Variants in DIS3L2 observed in about 807,000 individuals in gnomAD.
DIS3L2 encodes the protein DIS3-like exonuclease 2.
A neutral mutation model predicts 97.5 loss-of-function variants in DIS3L2; 34 were observed. The ratio of observed to expected loss-of-function variants is 0.35; its 90% CI spans 0.27 to 0.46. The LOEUF is 0.46. Among genes scored for constraint, DIS3L2 ranks in the 20% least tolerant of loss-of-function variants. The probability of loss-of-function intolerance (pLI) is 1.00; values close to 1 mark genes in which losing one functional copy is unlikely to be tolerated. For missense variants in DIS3L2, 1,038 were observed against 1,146.0 expected (o/e 0.91, Z 1.36); for synonymous variants, 435 against 445.2 (o/e 0.98, Z 0.29).
At chr2:232,186,170 C>G (rs1205184889) in intron 9 of DIS3L2, among the ~76,000 whole-genome samples, 1 of 152,000 alleles carries the variant, frequency 6.6e-6, no homozygotes, top group East Asian at 1.9e-4. Flanking sequence ...AACTGATAAG[C>G]CTTTAGCGAG....
intron 12 of DIS3L2, among the ~76,000 whole-genome samples, chr2:232,260,893 A>G (rs1185848581): frequency 1.3e-5 from 2 of 152,118 alleles, no homozygotes; most frequent in Non-Finnish European, 2.9e-5. Flanking sequence ...ATACTCTTCA[A>G]CTGGCTTTTT....
In DIS3L2 at chr2:232,039,637, C is replaced by T. The variant is rs1479207866; in HGVS notation, c.366+9557C>T. ...ATAACTCTTCGAAGTTCAGATTCTT[C>T]CACATTTTTACTGTCTCCTTATACT... On this transcript the variant is annotated intron_variant, in intron 5 of 20. Transcript: ENST00000325385. Among the ~76,000 whole-genome samples, 3 of 152,100 alleles carry T rather than the reference C, an allele frequency of 2.0e-5. No homozygotes were observed. In the East Asian group the frequency reaches 5.8e-4, roughly 29 times the overall value.
At chr2:232,283,057 G>A (rs970375959) in intron 13 of DIS3L2, among the ~76,000 whole-genome samples, 3 of 152,112 alleles carry the variant, frequency 2.0e-5, no homozygotes, top group Non-Finnish European at 4.4e-5. Context: ...TTTCTATAAA[G>A]AAGCACAGAG....
intron 10 of DIS3L2, among the ~76,000 whole-genome samples, chr2:232,236,330 A>G (rs998699301): frequency 3.3e-5 from 5 of 152,206 alleles, no homozygotes; most frequent in Admixed American, 3.3e-4. Flanking sequence ...CCAAAAGAGC[A>G]GATGGTACTG....
chr2:232,049,781 T>C (rs1485585587), intron 5 of DIS3L2, among the ~76,000 whole-genome samples: 1 of 152,238 alleles, frequency 6.6e-6, no homozygotes, highest in African/African-American at 2.4e-5. Context: ...ATCTTCAGTA[T>C]TGGTTGTTTC....
At chr2:232,149,216 T>C (rs34675655) in intron 8 of DIS3L2, among the ~76,000 whole-genome samples, 117,410 of 147,398 alleles carry the variant, frequency 0.8, 47,347 homozygotes, top group African/African-American at 0.9. Flanking sequence ...TTTTATTATA[T>C]TCTAAGTTTT....
chr2:232,168,280 G>A (rs760648430), intron 9 of DIS3L2, among the ~76,000 whole-genome samples: 2 of 152,074 alleles, frequency 1.3e-5, no homozygotes, highest in Non-Finnish European at 2.9e-5. Flanking sequence ...TTACCTTGAA[G>A]GGACAGATTA....
At chr2:232,225,193 A>G (rs545594839) in intron 10 of DIS3L2, among the ~76,000 whole-genome samples, 21 of 152,326 alleles carry the variant, frequency 1.4e-4, no homozygotes, top group Middle Eastern at 3.4e-3. Context: ...ACAATATGTA[A>G]TAAAGCTGGG....
At chr2:232,340,803 GC>G, downstream of DIS3L2, 1 of 471,474 alleles carries the variant, frequency 2.1e-6, no homozygotes, top group Non-Finnish European at 4.4e-6. Context: ...CAGTCTGCAA[GC>G]CCCTTGGTGT....
intron 9 of DIS3L2, among the ~76,000 whole-genome samples, chr2:232,189,156 A>G (rs937181882): frequency 1.3e-5 from 2 of 152,068 alleles, no homozygotes; most frequent in African/African-American, 4.8e-5. Context: ...AAATGGCACA[A>G]CCACTCTGGA....
chr2:232,021,089 T>C (rs1429552813), intron 3 of DIS3L2, among the ~76,000 whole-genome samples: 1 of 152,166 alleles, frequency 6.6e-6, no homozygotes, highest in Non-Finnish European at 1.5e-5. Flanking sequence ...GTTAGACTGA[T>C]TTAGCCCAGT....
At chr2:232,183,779 T>G (rs1046615884) in intron 9 of DIS3L2, among the ~76,000 whole-genome samples, 19 of 152,244 alleles carry the variant, frequency 1.2e-4, no homozygotes, top group Admixed American at 9.2e-4. Flanking sequence ...TAAGGCTGTT[T>G]GCAGTGAACA....
intron 9 of DIS3L2, among the ~76,000 whole-genome samples, chr2:232,189,428 G>A (rs974353409): frequency 3.3e-5 from 5 of 152,176 alleles, no homozygotes; most frequent in Admixed American, 2.6e-4. Flanking sequence ...GCAACAGCTT[G>A]GATGGATCTT....
At chr2:232,146,562 A>G (rs920503225) in intron 8 of DIS3L2, among the ~76,000 whole-genome samples, 1 of 152,152 alleles carries the variant, frequency 6.6e-6, no homozygotes, top group Non-Finnish European at 1.5e-5. Context: ...GGTTGTGAAG[A>G]TGGCTGCCAG....
intron 12 of DIS3L2, among the ~76,000 whole-genome samples, chr2:232,252,974 C>T (rs1227658593): frequency 6.6e-6 from 1 of 152,176 alleles, no homozygotes; most frequent in Non-Finnish European, 1.5e-5. Context: ...AGAGTGAGCT[C>T]TCTCATCTCC....
At chr2:232,030,202 G>A (rs932202535) in intron 5 of DIS3L2, 122 bp downstream of exon 5, 6 of 772,894 alleles carry the variant, frequency 7.8e-6, no homozygotes, top group Middle Eastern at 2.4e-4. Context: ...GATAAGATGG[G>A]GTGTAATCTT....
At chr2:232,171,538 A>G (rs1690991281) in intron 9 of DIS3L2, among the ~76,000 whole-genome samples, 1 of 152,176 alleles carries the variant, frequency 6.6e-6, no homozygotes, top group African/African-American at 2.4e-5. Context: ...CCACCCAGGA[A>G]AGATAATTAC....
At chr2:232,223,978 C>T (rs1180572527) in intron 10 of DIS3L2, among the ~76,000 whole-genome samples, 1 of 152,114 alleles carries the variant, frequency 6.6e-6, no homozygotes, top group Non-Finnish European at 1.5e-5. Context: ...GTCCTAGTTA[C>T]TCAAGAAGCT....
rs143531981 is a variant in DIS3L2 at position 232,104,437 on chromosome 2, A to T, written c.601+16716A>T. 1.6e-3 allele frequency among the ~76,000 whole-genome samples: 248 copies of T among 152,296 alleles called. 2 individuals are homozygous for T. The highest frequency in any genetic ancestry group is 5.5e-3 in the African/African-American group (227 of 41,562). ...TTGTTTTTTATTGTGGTAAAAAAAA[A>T]TTTGCCATTTTAGCAATTTTTAAGT... is the stretch of plus-strand genomic sequence containing the variant. On this transcript the variant is annotated intron_variant, in intron 6 of 20. Transcript: ENST00000325385.
Sources: gnomAD v4.1 joint callset for allele counts (sites outside exome capture counted in the v4.1 genomes callset) on GRCh38, gnomAD v4.1.1 for gene constraint, MANE v1.5 for transcripts, NCBI Gene and HGNC (gene_info 2026-07-23, HGNC 2026-07-21) for gene names.